The following PCDH11X variants were observed in gnomAD, a reference collection of about 807,000 sequenced individuals.
PCDH11X encodes protocadherin 11 X-linked.
In PCDH11X, 18 loss-of-function variants were observed where a neutral mutation model predicts 53.3. That is an observed-to-expected ratio of 0.34 (90% CI 0.23 to 0.50). The LOEUF (loss-of-function observed/expected upper bound fraction) is 0.50. Ranked by LOEUF, PCDH11X falls within the 20% of genes least tolerant of loss-of-function variation. PCDH11X has a pLI of 0.98. For missense variants in PCDH11X, 570 were observed against 1,032.4 expected (o/e 0.55, Z 6.14); for synonymous variants, 279 against 393.3 (o/e 0.71, Z 3.44).
intron 6 of PCDH11X, among the ~76,000 whole-genome samples, chrX:92,026,468 G>A (rs2062971267): frequency 9.0e-6 from 1 of 110,642 alleles, no homozygotes; most frequent in Admixed American, 9.7e-5. Context: ...GGAATGTGTG[G>A]CTAAAAGAGG....
chrX:92,176,649 C>G (rs952718756), intron 6 of PCDH11X, among the ~76,000 whole-genome samples: 1 of 112,127 alleles, frequency 8.9e-6, no homozygotes, highest in East Asian at 2.8e-4. Flanking sequence ...CACAAATAAA[C>G]ATACATAAAT....
chrX:92,220,244 C>T, intron 7 of PCDH11X, among the ~76,000 whole-genome samples: 1 of 68,714 alleles, frequency 1.5e-5, no homozygotes, highest in African/African-American at 5.4e-5. Flanking sequence ...AAGAAACTAC[C>T]ATCAGAGTGA....
chrX:92,347,540 C>T (rs936466109), intron 8 of PCDH11X, among the ~76,000 whole-genome samples: 23 of 111,478 alleles, frequency 2.1e-4, no homozygotes, highest in African/African-American at 7.2e-4. Flanking sequence ...CTAAGTATGC[C>T]TGAGTGTTAA....
rs776514397 is a variant in PCDH11X, at chrX:92,480,249, C to T, written c.3367+11927C>T. ...GACCTATTTTGTTTGTTAGTTGTTG[C>T]GTCATTTTATTATGATTCTTACCTT... On this transcript the variant is annotated intron_variant, in intron 10 of 10. Transcript: ENST00000682573. Among the ~76,000 whole-genome samples the T allele has an allele frequency of 2.0e-4, 22 of 111,436 alleles. No homozygotes were observed. In the South Asian group the frequency reaches 5.2e-3, roughly 26 times the overall value.
At chrX:92,268,129 C>T (rs1215602342) in intron 8 of PCDH11X, among the ~76,000 whole-genome samples, 2 of 112,001 alleles carry the variant, frequency 1.8e-5, no homozygotes, top group African/African-American at 3.2e-5. Flanking sequence ...TGAAGAGATA[C>T]ATTTTCATGT....
At chrX:91,884,190 C>CAAAAAAAAAAAAAAA (rs34953838) in intron 6 of PCDH11X, among the ~76,000 whole-genome samples, 1 of 37,753 alleles carries the variant, frequency 2.6e-5, no homozygotes, top group African/African-American at 1.1e-4. Context: ...GACTCCGTCT[C>CAAAAAAAAAAAAAAA]AAAAAAAAAA....
At chrX:92,520,738 T>G (rs2074358186) in intron 10 of PCDH11X, among the ~76,000 whole-genome samples, 1 of 111,151 alleles carries the variant, frequency 9.0e-6, no homozygotes, top group Non-Finnish European at 1.9e-5. Flanking sequence ...AGAACTTCAT[T>G]AAAAAATTGG....
chrX:91,880,773 A>T (rs1602418127), intron 6 of PCDH11X, among the ~76,000 whole-genome samples: 1 of 111,067 alleles, frequency 9.0e-6, no homozygotes, highest in East Asian at 2.8e-4. Flanking sequence ...TGGATCTGGG[A>T]TGGGCAACAA....
intron 10 of PCDH11X, among the ~76,000 whole-genome samples, chrX:92,493,528 T>G (rs895673597): frequency 9.1e-6 from 1 of 110,276 alleles, no homozygotes; most frequent in African/African-American, 3.3e-5. Context: ...CATTTCTAGG[T>G]CAAAACCCAT....
At chrX:92,019,303 CATT>C (rs1321629658) in intron 6 of PCDH11X, among the ~76,000 whole-genome samples, 1 of 109,368 alleles carries the variant, frequency 9.1e-6, no homozygotes, top group Non-Finnish European at 1.9e-5. Context: ...TTACACACAT[CATT>C]GAGGCAGAAC....
intron 9 of PCDH11X, among the ~76,000 whole-genome samples, chrX:92,422,778 T>C (rs993622745): frequency 7.2e-5 from 8 of 111,587 alleles, no homozygotes; most frequent in Non-Finnish European, 1.5e-4. Context: ...CCACCAACCA[T>C]GTAAAAGTGT....
chrX:91,931,208 C>T (rs1402408543), intron 6 of PCDH11X, among the ~76,000 whole-genome samples: 1 of 109,221 alleles, frequency 9.2e-6, no homozygotes, highest in Non-Finnish European at 1.9e-5. Context: ...TAACTGCCAA[C>T]ACTAGTTGAC....
chrX:92,213,707 A>G (rs1334148600), intron 7 of PCDH11X, among the ~76,000 whole-genome samples: 1 of 111,879 alleles, frequency 8.9e-6, no homozygotes, highest in Non-Finnish European at 1.9e-5. Flanking sequence ...ACAGCACGAC[A>G]GATGGGAACC....
intron 8 of PCDH11X, among the ~76,000 whole-genome samples, chrX:92,364,937 AT>A (rs1440262967): frequency 0.062 from 2,546 of 41,353 alleles, 63 homozygotes; most frequent in African/African-American, 0.1. Context: ...AAAAAAAAAA[AT>A]TTCTTTCTTT....
chrX:92,383,815 A>T (rs780894838), intron 8 of PCDH11X, among the ~76,000 whole-genome samples: 1 of 111,892 alleles, frequency 8.9e-6, no homozygotes, highest in Non-Finnish European at 1.9e-5. Context: ...TAGTAGAATG[A>T]TTTATAATCC....
chrX:91,960,293 AT>A (rs1299068575), intron 6 of PCDH11X, among the ~76,000 whole-genome samples: 1 of 108,676 alleles, frequency 9.2e-6, no homozygotes, highest in East Asian at 2.9e-4. Context: ...CCACTTGTTT[AT>A]TTTTGCTTTT....
intron 10 of PCDH11X, among the ~76,000 whole-genome samples, chrX:92,498,087 C>A (rs1423572713): frequency 9.0e-6 from 1 of 111,711 alleles, no homozygotes; most frequent in African/African-American, 3.2e-5. Flanking sequence ...TCCCTGTTGG[C>A]TTAAACTGTA....
intron 4 of PCDH11X, among the ~76,000 whole-genome samples, chrX:91,833,442 T>A (rs1286837892): frequency 1.8e-5 from 2 of 110,020 alleles, no homozygotes; most frequent in Non-Finnish European, 1.9e-5. Context: ...TGCACATCAT[T>A]GTACAAATGA....
At chrX:92,256,556 C>T (rs1279301641) in intron 7 of PCDH11X, among the ~76,000 whole-genome samples, 1 of 111,028 alleles carries the variant, frequency 9.0e-6, no homozygotes, top group Non-Finnish European at 1.9e-5. Context: ...TTTTTTTCCC[C>T]AACTTTTATT....
Sources: gnomAD v4.1 joint callset for allele counts (sites outside exome capture counted in the v4.1 genomes callset) on GRCh38, gnomAD v4.1.1 for gene constraint, MANE v1.5 for transcripts, NCBI Gene and HGNC (gene_info 2026-07-23, HGNC 2026-07-21) for gene names.